DYNC2LI1: variants seen among roughly 807,000 people sequenced by gnomAD.
DYNC2LI1 encodes the protein dynein cytoplasmic 2 light intermediate chain 1.
Under a neutral mutation model 51.9 loss-of-function variants are expected in DYNC2LI1, and 45 were observed. The ratio of observed to expected loss-of-function variants is 0.87; its 90% CI spans 0.68 to 1.11. The LOEUF (loss-of-function observed/expected upper bound fraction) is 1.11. Ranked by LOEUF, DYNC2LI1 falls within the 50% of genes most tolerant of loss-of-function variation. The pLI is 0.00. For synonymous variants in DYNC2LI1, 130 were observed against 137.8 expected (o/e 0.94, Z 0.40); for missense variants, 490 against 417.4 (o/e 1.17, Z -1.51).
the DYNC2LI1 span, among the ~76,000 whole-genome samples, chr2:43,817,007 C>T: frequency 6.6e-6 from 1 of 152,132 alleles, no homozygotes; most frequent in Non-Finnish European, 1.5e-5. Flanking sequence ...AGGCAGTTCA[C>T]CCAGAAAGAT....
the DYNC2LI1 span, among the ~76,000 whole-genome samples, chr2:43,825,520 A>G: frequency 5.9e-5 from 9 of 152,234 alleles, no homozygotes; most frequent in African/African-American, 1.4e-4. Flanking sequence ...CAGCCTTTGA[A>G]GCCAACTTGG....
rs756884934 is a variant in DYNC2LI1, at chr2:43,796,779, A to G, written c.638A>G (p.Tyr213Cys). The stretch of plus-strand genomic sequence containing the variant: ...ACACTTCGATTTGTTGCACATTATT[A>G]TGGAGCATCATTAATGGTTTGTACA... ...CKTLRFVAHY[Y>C]GASLMFTSKS... The change falls in exon 8 of 13, where the codon TAT (tyrosine) becomes TGT (cysteine). Residue 213 changes from tyrosine (Y) to cysteine (C), a missense_variant. Physicochemically the swap from Tyr to Cys is radical, Grantham distance 194. Transcript: ENST00000260605. 28 of 1,613,530 alleles carry G rather than the reference A, an allele frequency of 1.7e-5. No homozygotes were observed. The highest frequency in any genetic ancestry group is 3.3e-5 in the Admixed American group (2 of 60,004).
intron 1 of DYNC2LI1, among the ~76,000 whole-genome samples, chr2:43,775,154 C>A (rs957028523): frequency 1.6e-4 from 25 of 152,006 alleles, no homozygotes; most frequent in African/African-American, 6.0e-4. Flanking sequence ...TTTTTATTGG[C>A]TTTTTAGAGA....
At chr2:43,813,277 T>C, downstream of DYNC2LI1, 1 of 1,613,796 alleles carries the variant, frequency 6.2e-7, no homozygotes, top group Non-Finnish European at 8.5e-7. Context: ...AAGGCACACA[T>C]TGGATTAGTT....
rs1371857415 is a variant in DYNC2LI1 at position 43,782,566 on chromosome 2, AG to A, written c.127-952del. Among the ~76,000 whole-genome samples, 176 of 150,398 alleles carry A rather than the reference AG, an allele frequency of 1.2e-3. No homozygotes were observed. The Middle Eastern group carries it at 0.014, about 12-fold the overall frequency. ...TTTCTTTAAAAAAAAAAAAAAAAAA[AG>A]GATTTTACTATTTTTTAAAAATGAT... is the stretch of plus-strand genomic sequence containing the variant. On this transcript the variant is annotated intron_variant, in intron 2 of 12. Coordinates refer to ENST00000260605, the MANE Select transcript of DYNC2LI1 (RefSeq NM_016008.4).
At chr2:43,822,901 A>C in the DYNC2LI1 span, 1 of 1,613,786 alleles carries the variant, frequency 6.2e-7, no homozygotes, top group African/African-American at 1.3e-5. Flanking sequence ...GGCCGTCCTG[A>C]CTCTCCTGGT....
At chr2:43,781,292 C>T (rs1210368531) in intron 2 of DYNC2LI1, among the ~76,000 whole-genome samples, 1 of 151,818 alleles carries the variant, frequency 6.6e-6, no homozygotes. Context: ...TCACTTGAAC[C>T]CAGAGGCAGA....
At chr2:43,819,938 C>G in the DYNC2LI1 span, 1 of 1,614,034 alleles carries the variant, frequency 6.2e-7, no homozygotes, top group Non-Finnish European at 8.5e-7. Flanking sequence ...ATCCAACAAG[C>G]ACCCCCGCAA....
chr2:43,780,474 G>A (rs1673225432), intron 2 of DYNC2LI1, among the ~76,000 whole-genome samples: 1 of 152,180 alleles, frequency 6.6e-6, no homozygotes, highest in South Asian at 2.1e-4. Flanking sequence ...TTCAAGAGGA[G>A]GGAGGTAGAG....
chr2:43,789,492 G>T (rs1673679453), intron 4 of DYNC2LI1, 141 bp from the exon 5 acceptor site: 2 of 614,722 alleles, frequency 3.3e-6, no homozygotes, highest in Non-Finnish European at 2.8e-6. Context: ...TTGAGGGATG[G>T]GATAAAGGAA....
intron 3 of DYNC2LI1, 88 bp downstream of exon 3, chr2:43,783,642 A>C: frequency 1.3e-6 from 1 of 788,340 alleles, no homozygotes; most frequent in Non-Finnish European, 1.9e-6. Context: ...AGGAAGGGGA[A>C]CGATTTTGAG....
At chr2:43,789,130 A>G (rs964253914) in intron 4 of DYNC2LI1, among the ~76,000 whole-genome samples, 7 of 152,182 alleles carry the variant, frequency 4.6e-5, no homozygotes, top group African/African-American at 1.7e-4. Context: ...TGCTCAAGTA[A>G]TCTTGATCCG....
chr2:43,792,917 G>A (rs1304548684), intron 5 of DYNC2LI1: 22 of 1,116,542 alleles, frequency 2.0e-5, no homozygotes, highest in Non-Finnish European at 2.6e-5. Flanking sequence ...GAACATTTGG[G>A]TTGTTTTCAT....
chr2:43,804,580 A>T, intron 10 of DYNC2LI1, 62 bp from the exon 11 acceptor site: 1 of 1,051,846 alleles, frequency 9.5e-7, no homozygotes, highest in Non-Finnish European at 1.4e-6. Context: ...CATTTCTTTT[A>T]TTGGTGGAGT....
chr2:43,793,462 T>G (rs1572708528), intron 5 of DYNC2LI1: 1 of 152,104 alleles, frequency 6.6e-6, no homozygotes, highest in Admixed American at 6.6e-5. Context: ...CAATAGAGAC[T>G]CCTCCTCCAA....
chr2:43,815,947 G>T, the DYNC2LI1 span, among the ~76,000 whole-genome samples: 58 of 145,010 alleles, frequency 4.0e-4, no homozygotes, highest in African/African-American at 1.4e-3. Flanking sequence ...TACAAAAAAA[G>T]TTCAACTATG....
chr2:43,789,830 G>C (rs558159700), intron 5 of DYNC2LI1, 109 bp downstream of exon 5: 2 of 835,690 alleles, frequency 2.4e-6, no homozygotes, highest in Non-Finnish European at 3.8e-6. Context: ...TTATGTTGCT[G>C]AAGGCTTATG....
the DYNC2LI1 span, chr2:43,824,178 A>G: frequency 5.0e-6 from 8 of 1,614,020 alleles, no homozygotes; most frequent in East Asian, 1.6e-4. Context: ...GGATGGCTAA[A>G]GACCTCTAAC....
At chr2:43,776,996 T>A (rs1478405508) in intron 2 of DYNC2LI1, 97 bp downstream of exon 2, 2 of 630,600 alleles carry the variant, frequency 3.2e-6, no homozygotes, top group African/African-American at 1.9e-5. Context: ...TTCAACACTT[T>A]AACCAGATGA....
Sources: gnomAD v4.1 joint callset for allele counts (sites outside exome capture counted in the v4.1 genomes callset) on GRCh38, gnomAD v4.1.1 for gene constraint, MANE v1.5 for transcripts, NCBI Gene and HGNC (gene_info 2026-07-23, HGNC 2026-07-21) for gene names.